The following STKLD1 variants were observed in gnomAD, a reference collection of about 807,000 sequenced individuals.
STKLD1 encodes serine/threonine kinase-like domain-containing protein STKLD1.
STKLD1 carries 79 observed loss-of-function variants against 80.4 expected under a neutral mutation model. The observed-to-expected ratio is 0.98, with a 90% confidence interval of 0.82 to 1.19. STKLD1 has a LOEUF of 1.19. STKLD1 is among the 50% of genes most tolerant of loss of function. The pLI is 0.00. For missense variants in STKLD1, 841 were observed against 856.0 expected, an observed-to-expected ratio of 0.98 and a Z score of 0.22; for synonymous variants, 393 against 357.6, an observed-to-expected ratio of 1.10 and a Z score of -1.12.
intron 2 of STKLD1, among the ~76,000 whole-genome samples, chr9:133,381,403 C>T (rs1440178736): frequency 1.3e-5 from 2 of 150,348 alleles, no homozygotes; most frequent in African/African-American, 2.5e-5. Flanking sequence ...CCTGCCTCGG[C>T]CTCCCAAAGT....
intron 7 of STKLD1, among the ~76,000 whole-genome samples, chr9:133,392,163 GCCTACCGGGTT>G (rs1357125134): frequency 6.7e-6 from 1 of 148,164 alleles, no homozygotes; most frequent in Non-Finnish European, 1.5e-5. Flanking sequence ...TGCAAGCTCC[GCCTACCGGGTT>G]CACGCCATTC....
chr9:133,379,017 C>T lies in STKLD1; in HGVS notation c.88-19C>T. 6.2e-7 allele frequency: 1 copy of T among 1,608,762 alleles called. No individual in the cohort carries two copies. On this transcript the variant is annotated intron_variant, in intron 1 of 17. Coordinates refer to ENST00000371957, the MANE Select transcript of STKLD1 (RefSeq NM_153710.5). Reference sequence around the variant, plus strand: ...AGTTGTGTGCATTTCCTGAAAGCTTCTCTCTTCCTTGCTGATAGGTTTTGT... The same window carrying T: ...AGTTGTGTGCATTTCCTGAAAGCTTTTCTCTTCCTTGCTGATAGGTTTTGT...
chr9:133,388,199 G>A (rs1838305361), intron 5 of STKLD1, among the ~76,000 whole-genome samples: 2 of 152,196 alleles, frequency 1.3e-5, no homozygotes, highest in South Asian at 4.1e-4. Flanking sequence ...CTCACAAGTT[G>A]TGAGCATTCC....
intron 11 of STKLD1, 31 bp from the exon 12 acceptor site, chr9:133,400,382 T>G: frequency 1.8e-5 from 28 of 1,568,484 alleles, no homozygotes; most frequent in Non-Finnish European, 2.3e-5. Context: ...TGGCCCAAAA[T>G]GAGTCTCCCC....
At chr9:133,391,439 A>G (rs1838396015) in intron 7 of STKLD1, among the ~76,000 whole-genome samples, 1 of 151,456 alleles carries the variant, frequency 6.6e-6, no homozygotes, top group African/African-American at 2.4e-5. Context: ...AAAGGTGGGG[A>G]AAAGATTGAG....
In STKLD1 at chr9:133,400,395, T is replaced by C. The variant is rs962393691; in HGVS notation, c.1082-18T>C. 16 of 1,602,008 alleles carry C rather than the reference T, an allele frequency of 1.0e-5. No homozygotes were observed. The highest frequency in any genetic ancestry group is 3.3e-5 in the South Asian group (3 of 90,928). On this transcript the variant is annotated intron_variant, in intron 11 of 17. Coordinates refer to ENST00000371957, the MANE Select transcript of STKLD1 (RefSeq NM_153710.5). ...TCTGGCCCAAAATGAGTCTCCCCTG[T>C]GCCGCCCGCCCTGCCAGGTCTGCCG...
At chr9:133,392,234 G>T (rs1218054024) in intron 7 of STKLD1, among the ~76,000 whole-genome samples, 1 of 152,026 alleles carries the variant, frequency 6.6e-6, no homozygotes, top group African/African-American at 2.4e-5. Flanking sequence ...CTGCCACTGG[G>T]CCCAGCTAAT....
At chr9:133,380,077 C>T (rs896979327) in intron 2 of STKLD1, among the ~76,000 whole-genome samples, 1 of 152,136 alleles carries the variant, frequency 6.6e-6, no homozygotes, top group African/African-American at 2.4e-5. Flanking sequence ...GCTCTGTCGC[C>T]AAGGCTAGAG....
intron 12 of STKLD1, among the ~76,000 whole-genome samples, chr9:133,400,778 C>T (rs3124751): frequency 0.34 from 51,608 of 152,164 alleles, 9,466 homozygotes; most frequent in South Asian, 0.46. Flanking sequence ...GAGTCCATGC[C>T]ATCCTGTGCC....
intron 11 of STKLD1, 35 bp from the exon 12 acceptor site, chr9:133,400,378 A>C (rs781813143): frequency 1.3e-6 from 2 of 1,564,574 alleles, no homozygotes; most frequent in South Asian, 1.1e-5. Flanking sequence ...GATCTGGCCC[A>C]AAATGAGTCT....
rs1483142420 is a variant in STKLD1, at chr9:133,394,554, C to T, written c.702+145C>T. 5 of 672,712 alleles carry T rather than the reference C, an allele frequency of 7.4e-6. No individual in the cohort carries two copies. The highest frequency in any genetic ancestry group is 8.3e-4 in the Middle Eastern group (2 of 2,416). The allele number at this position is 672,712 out of a possible 1,614,324, so 41.7% of individuals were successfully genotyped here. A position where few individuals can be genotyped will look rare whatever the true frequency, so the allele number is the denominator to read the frequency against. On this transcript the variant is annotated intron_variant, in intron 8 of 17. Coordinates refer to ENST00000371957, the MANE Select transcript of STKLD1 (RefSeq NM_153710.5). This position sits in a 1 kb window ranked among gnomAD's most constrained non-coding sequence, Gnocchi z 4.9. ...TGCACAGAGCCCTCTTCTCCACCTG[C>T]GAGGGGCCTGCCCTCCTCAGAACCC...
Position 133,385,505 on chromosome 9 carries a change from A to G in STKLD1, c.220-112A>G. 9.0e-7 allele frequency: 1 copy of G among 1,115,172 alleles called. No homozygotes were observed. Among genetic ancestry groups the G allele is most frequent in the Non-Finnish European group, 1.3e-6 (1 of 755,624 alleles). 69.1% of individuals were successfully genotyped at this position (1,115,172 alleles called of 1,614,324 possible). On this transcript the variant is annotated intron_variant, in intron 3 of 17. Coordinates refer to ENST00000371957, the MANE Select transcript of STKLD1 (RefSeq NM_153710.5). The surrounding 1 kb of genome is among the most constrained non-coding windows in gnomAD (Gnocchi z 4.9). Reference sequence around the variant, plus strand: ...CTTCCCTGAGCCCACTCCCTGGCCCAGCTCAGAGCCCGAGGCTTGCATGTT... The same window carrying G: ...CTTCCCTGAGCCCACTCCCTGGCCCGGCTCAGAGCCCGAGGCTTGCATGTT...
intron 7 of STKLD1, among the ~76,000 whole-genome samples, chr9:133,392,639 A>ATGGC (rs1564380074): frequency 3.1e-5 from 2 of 65,226 alleles, no homozygotes; most frequent in Admixed American, 3.2e-4. Flanking sequence ...GGATGGATGG[A>ATGGC]TAGGTGGGTG....
chr9:133,402,682 C>T (rs3124749), intron 13 of STKLD1, among the ~76,000 whole-genome samples, 196 bp from the exon 14 acceptor site: 51,097 of 152,142 alleles, frequency 0.34, 9,297 homozygotes, highest in South Asian at 0.46. Flanking sequence ...GGACTGGTGG[C>T]CCACGAGATG....
At chr9:133,405,135 G>C (rs1433373935) in intron 17 of STKLD1, 117 bp from the exon 18 acceptor site, 1 of 1,370,408 alleles carries the variant, frequency 7.3e-7, no homozygotes, top group South Asian at 1.4e-5. Flanking sequence ...GAACTGCAAG[G>C]TGGCTCTGTG....
chr9:133,391,934 C>G (rs1403249125), intron 7 of STKLD1, among the ~76,000 whole-genome samples: 1 of 151,880 alleles, frequency 6.6e-6, no homozygotes, highest in Non-Finnish European at 1.5e-5. Flanking sequence ...TACAACAACC[C>G]AGGAGATGAA....
At position 133,376,546 on chromosome 9, in the gene STKLD1, A is replaced by G. The variant is rs2130249236; in HGVS notation, c.73A>G (p.Met25Val). The G allele has an allele frequency of 1.2e-5, 19 of 1,598,772 alleles. No individual in the cohort carries two copies. Among genetic ancestry groups the G allele is most frequent in the Admixed American group, 1.7e-5 (1 of 57,832 alleles). ...ERGPGSPGEP[M>V]EKYQVLYQLN... ...AGGCCCAGGGTCCCCCGGAGAGCCC[A>G]TGGAGAAGTACCAGGTGCCGAGTGT... The change falls in exon 1 of 18, where the codon ATG becomes GTG. Residue 25 changes from methionine (M) to valine (V), a missense_variant. Met to Val is a conservative substitution (Grantham distance 21). Coordinates refer to ENST00000371957, the MANE Select transcript of STKLD1 (RefSeq NM_153710.5).
intron 1 of STKLD1, 141 bp downstream of exon 1, chr9:133,376,701 C>T (rs992820410): frequency 1.5e-6 from 1 of 685,330 alleles, no homozygotes; most frequent in East Asian, 3.2e-5. Flanking sequence ...TAGGTTGAAC[C>T]CGGGGGGCCT....
intron 17 of STKLD1, 44 bp downstream of exon 17, chr9:133,404,973 C>G (rs1838811644): frequency 6.3e-7 from 1 of 1,599,950 alleles, no homozygotes; most frequent in Non-Finnish European, 8.5e-7. Flanking sequence ...GCCCAGCGGT[C>G]AGGGGTGCCC....
Sources: allele counts gnomAD v4.1 joint callset (sites outside exome capture counted in the v4.1 genomes callset), GRCh38; gene constraint gnomAD v4.1.1; non-coding constraint Gnocchi (gnomAD v3.1); transcripts MANE v1.5; gene names NCBI Gene and HGNC (gene_info 2026-07-23, HGNC 2026-07-21).